RCOR1: variants seen among roughly 807,000 people sequenced by gnomAD.
RCOR1 encodes the protein REST corepressor.
In RCOR1, 12 loss-of-function variants were observed where a neutral mutation model predicts 64.0. The observed-to-expected ratio is 0.19, with a 90% CI of 0.12 to 0.30. RCOR1 has a LOEUF of 0.30. RCOR1 is among the 10% of genes least tolerant of loss of function. The probability of loss-of-function intolerance (pLI) is 1.00; values close to 1 mark genes in which losing one functional copy is unlikely to be tolerated. For synonymous variants in RCOR1, 279 were observed against 227.2 expected (o/e 1.23, Z -2.05); for missense variants, 502 against 621.2 (o/e 0.81, Z 2.04).
intron 2 of RCOR1, 62 bp from the exon 3 acceptor site, chr14:102,681,833 T>G: frequency 8.3e-7 from 1 of 1,199,622 alleles, no homozygotes; most frequent in Non-Finnish European, 1.2e-6. Context: ...AAGGTATTGT[T>G]ACTTATAGCT....
chr14:102,708,864 A>G (rs1016817599), intron 6 of RCOR1, among the ~76,000 whole-genome samples: 2 of 151,906 alleles, frequency 1.3e-5, no homozygotes, highest in Admixed American at 6.6e-5. Flanking sequence ...AGAATCTTTT[A>G]TTTTGTAGTT....
At chr14:102,720,851 C>T in intron 8 of RCOR1, 156 bp from the exon 9 acceptor site, 2 of 529,042 alleles carry the variant, frequency 3.8e-6, no homozygotes, top group South Asian at 5.9e-5. Flanking sequence ...TAGTTAGATG[C>T]TTCAAAGGAT....
At chr14:102,683,141 G>T (rs1236158914) in intron 3 of RCOR1, among the ~76,000 whole-genome samples, 1 of 152,136 alleles carries the variant, frequency 6.6e-6, no homozygotes, top group African/African-American at 2.4e-5. Flanking sequence ...CAGTGGTGTT[G>T]CCTATAAAAT....
intron 2 of RCOR1, among the ~76,000 whole-genome samples, chr14:102,610,329 C>G (rs1211010978): frequency 2.0e-5 from 3 of 151,942 alleles, no homozygotes; most frequent in Non-Finnish European, 4.4e-5. Context: ...AGTGTAGCCA[C>G]TAGCTACATA....
chr14:102,639,549 A>G (rs541336318), intron 2 of RCOR1, among the ~76,000 whole-genome samples: 1 of 138,872 alleles, frequency 7.2e-6, no homozygotes, highest in African/African-American at 2.7e-5. Flanking sequence ...TTATTTATTT[A>G]TTGAGATGGA....
At position 102,708,494 on chromosome 14, in the gene RCOR1, G is replaced by A; in HGVS notation, c.690G>A (p.Val230=). 6.2e-7 allele frequency: 1 copy of A among 1,601,818 alleles called. No individual in the cohort carries two copies. The highest frequency in any genetic ancestry group is 8.6e-7 in the Non-Finnish European group (1 of 1,169,216). ...MLPDKSIASL[V]KFYYSWKKTR... ...CAGATAAATCTATAGCAAGTCTGGT[G>A]AAATTTTACTATTCTTGGAAGAAGA... is the stretch of plus-strand genomic sequence containing the variant. Residue 230 remains valine (V), a synonymous_variant, in exon 6 of 12, where the codon GTG becomes GTA. Coordinates refer to ENST00000262241, the MANE Select transcript of RCOR1 (RefSeq NM_015156.4).
intron 10 of RCOR1, 186 bp downstream of exon 10, chr14:102,721,563 ATTTTTTTTTTAATGG>A: frequency 3.0e-6 from 1 of 334,198 alleles, no homozygotes; most frequent in Admixed American, 4.8e-5. Flanking sequence ...AAAAAAAAAA[ATTTTTTTTTTAATGG>A]AAAAAAAAGA....
At chr14:102,617,972 C>CTTTTTTTTTTCT (rs1893797520) in intron 2 of RCOR1, among the ~76,000 whole-genome samples, 7 of 122,524 alleles carry the variant, frequency 5.7e-5, no homozygotes, top group Admixed American at 8.4e-5. Context: ...TTTTTTTTTT[C>CTTTTTTTTTTCT]TTTTTTTTTT....
intron 3 of RCOR1, among the ~76,000 whole-genome samples, chr14:102,694,858 G>T (rs1407916341): frequency 2.0e-5 from 3 of 152,220 alleles, no homozygotes; most frequent in Non-Finnish European, 4.4e-5. Context: ...TTTTTAAAGA[G>T]AATTTTTGCA....
chr14:102,709,670 C>G (rs1259615020), intron 6 of RCOR1, among the ~76,000 whole-genome samples: 1 of 152,190 alleles, frequency 6.6e-6, no homozygotes, highest in Non-Finnish European at 1.5e-5. Context: ...GACCATGATA[C>G]ATCTGCATAT....
chr14:102,664,463 A>G (rs1894880435), intron 2 of RCOR1, among the ~76,000 whole-genome samples: 2 of 152,190 alleles, frequency 1.3e-5, no homozygotes, highest in Admixed American at 1.3e-4. Flanking sequence ...TCAGCTTGTA[A>G]TATTGCAAAT....
chr14:102,634,348 C>G (rs1361363811), intron 2 of RCOR1, among the ~76,000 whole-genome samples: 1 of 151,914 alleles, frequency 6.6e-6, no homozygotes, highest in East Asian at 1.9e-4. Context: ...GCACTCCATC[C>G]TGGGTGACAG....
intron 3 of RCOR1, among the ~76,000 whole-genome samples, chr14:102,698,426 A>T (rs963966216): frequency 1.3e-5 from 2 of 152,234 alleles, no homozygotes; most frequent in Non-Finnish European, 2.9e-5. Context: ...TTGCTCAAAG[A>T]TCGTGCTACT....
chr14:102,715,881 G>C (rs922149881), intron 8 of RCOR1, among the ~76,000 whole-genome samples: 3 of 152,182 alleles, frequency 2.0e-5, no homozygotes, highest in African/African-American at 7.2e-5. Flanking sequence ...CTATCCTCAT[G>C]ATGGGCCGTT....
intron 2 of RCOR1, among the ~76,000 whole-genome samples, chr14:102,615,300 A>ATT (rs112023406): frequency 7.8e-4 from 111 of 142,926 alleles, no homozygotes; most frequent in Non-Finnish European, 1.4e-3. Flanking sequence ...GCCTGGCTAA[A>ATT]TTTTTTTTTT....
chr14:102,608,558 C>A (rs1245341612), intron 2 of RCOR1, among the ~76,000 whole-genome samples: 1 of 152,070 alleles, frequency 6.6e-6, no homozygotes, highest in Non-Finnish European at 1.5e-5. Flanking sequence ...CCTCAGCCTC[C>A]CAAGTAGCTG....
chr14:102,695,782 C>G lies in RCOR1; in HGVS notation c.446-5496C>G, dbSNP rs566758076. On this transcript the variant is annotated intron_variant, in intron 3 of 11. Transcript: ENST00000262241. ...GCCAGGCTGGTTTCGAACTCCTGAC[C>G]TTGTGATCCACCCACCTCAGCCTCC... 2.0e-5 allele frequency among the ~76,000 whole-genome samples: 3 copies of G among 150,336 alleles called. No homozygotes were observed. The East Asian group carries it at 5.9e-4, about 29-fold the overall frequency.
At chr14:102,632,541 A>G (rs890801197) in intron 2 of RCOR1, among the ~76,000 whole-genome samples, 1 of 150,426 alleles carries the variant, frequency 6.6e-6, no homozygotes, top group Non-Finnish European at 1.5e-5. Context: ...TTCCTGAAGG[A>G]TTTTTCGTTC....
chr14:102,625,347 T>C (rs1567412492), intron 2 of RCOR1, among the ~76,000 whole-genome samples: 1 of 147,956 alleles, frequency 6.8e-6, no homozygotes, highest in Non-Finnish European at 1.5e-5. Context: ...GCGATTCTCC[T>C]GCCTCAGCCT....
Sources: gnomAD v4.1 joint callset for allele counts (sites outside exome capture counted in the v4.1 genomes callset) on GRCh38, gnomAD v4.1.1 for gene constraint, MANE v1.5 for transcripts, NCBI Gene and HGNC (gene_info 2026-07-23, HGNC 2026-07-21) for gene names.